AP2B1: variants seen among roughly 807,000 people sequenced by gnomAD.
AP2B1 encodes the protein adaptor related protein complex 2 subunit beta 1.
Under a neutral mutation model 102.0 loss-of-function variants are expected in AP2B1, and 23 were observed. The ratio of observed to expected loss-of-function variants is 0.23; its 90% CI spans 0.16 to 0.32. The LOEUF is 0.32. AP2B1 is among the 10% of genes least tolerant of loss of function. The pLI is 1.00. For synonymous variants in AP2B1, 381 were observed against 421.2 expected (o/e 0.90, Z 1.17); for missense variants, 541 against 1,157.4 (o/e 0.47, Z 7.73).
At chr17:35,707,829 G>A (rs2076375414) in intron 18 of AP2B1, among the ~76,000 whole-genome samples, 1 of 152,180 alleles carries the variant, frequency 6.6e-6, no homozygotes, top group African/African-American at 2.4e-5. Flanking sequence ...CCAGATTCAA[G>A]CTTTTTGAGA....
chr17:35,700,558 T>A (rs1162398496), intron 18 of AP2B1, among the ~76,000 whole-genome samples: 1 of 152,226 alleles, frequency 6.6e-6, no homozygotes. Context: ...CTTGTGGCAG[T>A]GCCTCCTTTG....
intron 17 of AP2B1, among the ~76,000 whole-genome samples, chr17:35,676,766 AT>A (rs1189963483): frequency 1.5e-5 from 2 of 130,266 alleles, no homozygotes; most frequent in Non-Finnish European, 3.2e-5. Flanking sequence ...AATTTTAAGC[AT>A]TTTTTAAAAT....
chr17:35,628,224 G>A (rs225255), intron 9 of AP2B1, among the ~76,000 whole-genome samples: 74,307 of 151,990 alleles, frequency 0.49, 18,229 homozygotes, highest in East Asian at 0.52. Flanking sequence ...AGGCACTTAA[G>A]CATCCATGGA....
intron 20 of AP2B1, among the ~76,000 whole-genome samples, chr17:35,710,924 T>C (rs983250498): frequency 1.3e-5 from 2 of 152,106 alleles, no homozygotes; most frequent in Non-Finnish European, 2.9e-5. Context: ...AAAAGCCTAG[T>C]TGGTAACCTT....
chr17:35,644,456 CA>C (rs2074869702), intron 12 of AP2B1, among the ~76,000 whole-genome samples: 1 of 152,060 alleles, frequency 6.6e-6, no homozygotes, highest in Non-Finnish European at 1.5e-5. Flanking sequence ...CGGCTCACTG[CA>C]ACCTCCACCT....
intron 14 of AP2B1, among the ~76,000 whole-genome samples, chr17:35,665,278 C>T (rs2075442553): frequency 6.7e-6 from 1 of 149,716 alleles, no homozygotes; most frequent in African/African-American, 2.5e-5. Context: ...CAGGCGCCCA[C>T]CACTACACCC....
intron 14 of AP2B1, among the ~76,000 whole-genome samples, chr17:35,669,274 G>C (rs921269684): frequency 3.9e-5 from 6 of 152,042 alleles, no homozygotes; most frequent in Non-Finnish European, 8.8e-5. Flanking sequence ...CTCCCGAGTA[G>C]CTGGGATTAC....
At chr17:35,665,430 A>G (rs997949011) in intron 14 of AP2B1, among the ~76,000 whole-genome samples, 6 of 152,130 alleles carry the variant, frequency 3.9e-5, no homozygotes, top group African/African-American at 9.7e-5. Context: ...CCAGCCTTGA[A>G]TAGCTTTTTG....
Position 35,608,297 on chromosome 17 carries a change from G to T in AP2B1, c.435G>T (p.Val145=). 1 of 1,614,166 alleles carries T rather than the reference G, an allele frequency of 6.2e-7. No individual in the cohort carries two copies. Among genetic ancestry groups the T allele is most frequent in the South Asian group, 1.1e-5 (1 of 91,080 alleles). The change falls in exon 5 of 22, where the codon GTG becomes GTT. Residue 145 remains valine (V), a synonymous_variant. Transcript: ENST00000610402. ...TTCGGAAAACAGCAGCAGTCTGCGT[G>T]GCAAAACTCCATGATATCAATGCCC... The part of the protein sequence containing the change: ...PYVRKTAAVC[V]AKLHDINAQM...
intron 14 of AP2B1, among the ~76,000 whole-genome samples, chr17:35,669,142 C>T (rs2075532840): frequency 7.4e-6 from 1 of 135,648 alleles, no homozygotes; most frequent in Non-Finnish European, 1.6e-5. Flanking sequence ...TTGGGGATGC[C>T]TTTTTTTTTT....
chr17:35,620,552 C>T (rs946228067), intron 5 of AP2B1, among the ~76,000 whole-genome samples: 6 of 152,270 alleles, frequency 3.9e-5, no homozygotes, highest in East Asian at 3.9e-4. Flanking sequence ...TGGTGACTCA[C>T]ATCTGTAATC....
chr17:35,709,246 A>C lies in AP2B1; in HGVS notation c.2477A>C (p.Asp826Ala). The change falls in exon 19 of 22, where the codon GAT (aspartate) becomes GCT (alanine). Residue 826 changes from aspartate to alanine, a missense_variant. This residue lies in a region of AP2B1 where 117 missense variants were observed against 206.7 expected (regional missense o/e 0.57). Coordinates refer to ENST00000610402, the MANE Select transcript of AP2B1 (RefSeq NM_001030006.2). Reference protein sequence around the residue: ...NLQVAVKNNIDVFYFSCLIPL... With the variant: ...NLQVAVKNNIAVFYFSCLIPL... The stretch of plus-strand genomic sequence containing the variant: ...CAGGTGGCTGTGAAAAACAATATCG[A>C]TGTCTTCTACTTCAGCTGCCTCATC... 2 of 1,614,028 alleles carry C rather than the reference A, an allele frequency of 1.2e-6. No homozygotes were observed. The highest frequency in any genetic ancestry group is 1.7e-6 in the Non-Finnish European group (2 of 1,179,996).
intron 19 of AP2B1, among the ~76,000 whole-genome samples, 170 bp downstream of exon 19, chr17:35,709,478 T>G (rs2076405914): frequency 6.6e-6 from 1 of 152,218 alleles, no homozygotes; most frequent in South Asian, 2.1e-4. Flanking sequence ...GTGTCACAAT[T>G]GTTCTTGCTC....
At chr17:35,707,723 G>T (rs1417161610) in intron 18 of AP2B1, among the ~76,000 whole-genome samples, 3 of 152,202 alleles carry the variant, frequency 2.0e-5, no homozygotes, top group Non-Finnish European at 4.4e-5. Flanking sequence ...AAAGTGCTGG[G>T]ATTACAGGCG....
At chr17:35,653,514 C>T (rs1467663605) in intron 13 of AP2B1, among the ~76,000 whole-genome samples, 1 of 152,132 alleles carries the variant, frequency 6.6e-6, no homozygotes, top group Non-Finnish European at 1.5e-5. Flanking sequence ...CATTCTATAG[C>T]CCAGGCTGGA....
At chr17:35,709,115 G>A in intron 18 of AP2B1, 109 bp from the exon 19 acceptor site, 1 of 910,774 alleles carries the variant, frequency 1.1e-6, no homozygotes. Flanking sequence ...CCTGCACTGA[G>A]AGAAAGAGGA....
intron 18 of AP2B1, among the ~76,000 whole-genome samples, chr17:35,708,146 T>A (rs1214224999): frequency 6.6e-6 from 1 of 152,216 alleles, no homozygotes; most frequent in Non-Finnish European, 1.5e-5. Flanking sequence ...GTGAGAATAG[T>A]GTACTAGATA....
intron 2 of AP2B1, among the ~76,000 whole-genome samples, chr17:35,595,833 A>G (rs2073252250): frequency 6.6e-6 from 1 of 152,086 alleles, no homozygotes; most frequent in Non-Finnish European, 1.5e-5. Context: ...TTTTGGAAAT[A>G]TGTTTATTTC....
At chr17:35,677,273 A>AGC (rs1214957964) in intron 17 of AP2B1, among the ~76,000 whole-genome samples, 12 of 152,244 alleles carry the variant, frequency 7.9e-5, no homozygotes, top group Admixed American at 1.3e-4. Context: ...TACAGGCATG[A>AGC]GCCACTGCAC....
Sources: gnomAD v4.1 joint callset for allele counts (sites outside exome capture counted in the v4.1 genomes callset) on GRCh38, gnomAD v4.1.1 for gene constraint, gnomAD v4.1.1 regional missense constraint, MANE v1.5 for transcripts, NCBI Gene and HGNC (gene_info 2026-07-23, HGNC 2026-07-21) for gene names.